SEZ6L: variants seen among roughly 807,000 people sequenced by gnomAD.
SEZ6L encodes the protein seizure 6-like protein.
Under a neutral mutation model 106.2 loss-of-function variants are expected in SEZ6L, and 37 were observed. The ratio of observed to expected loss-of-function variants is 0.35; its 90% CI spans 0.27 to 0.46. The LOEUF (loss-of-function observed/expected upper bound fraction) is 0.46. Among genes scored for constraint, SEZ6L ranks in the 20% least tolerant of loss-of-function variants. The probability of loss-of-function intolerance (pLI) is 1.00; values close to 1 mark genes in which losing one functional copy is unlikely to be tolerated. For synonymous variants in SEZ6L, 541 were observed against 570.4 expected, an observed-to-expected ratio of 0.95 and a Z score of 0.73; for missense variants, 1,172 against 1,332.8, an observed-to-expected ratio of 0.88 and a Z score of 1.88.
intron 1 of SEZ6L, among the ~76,000 whole-genome samples, chr22:26,269,930 G>C (rs1163439799): frequency 6.6e-6 from 1 of 152,196 alleles, no homozygotes; most frequent in Admixed American, 6.5e-5. Context: ...AGAAAAAAGA[G>C]GGAAGAGAAG....
At chr22:26,256,488 G>A (rs558204185) in intron 1 of SEZ6L, among the ~76,000 whole-genome samples, 4 of 152,316 alleles carry the variant, frequency 2.6e-5, no homozygotes, top group East Asian at 1.9e-4. Flanking sequence ...AGAAGTTCTC[G>A]GCCTTGTCTG....
chr22:26,270,143 C>T (rs963206323), intron 1 of SEZ6L, among the ~76,000 whole-genome samples: 2 of 151,956 alleles, frequency 1.3e-5, no homozygotes, highest in Non-Finnish European at 2.9e-5. Flanking sequence ...TAAAATGGAC[C>T]CCCCAAAAAT....
chr22:26,241,334 C>T (rs1602126790), intron 1 of SEZ6L: 1 of 152,216 alleles, frequency 6.6e-6, no homozygotes, highest in Non-Finnish European at 1.5e-5. Flanking sequence ...CAAGACCTAC[C>T]CTCAGCTCTG....
chr22:26,363,968 T>C (rs899171421), intron 12 of SEZ6L, among the ~76,000 whole-genome samples: 3 of 152,168 alleles, frequency 2.0e-5, no homozygotes, highest in Non-Finnish European at 4.4e-5. Flanking sequence ...GTGAACTTCA[T>C]AGAGACAGAA....
In SEZ6L at chr22:26,197,153, GT is replaced by G. The variant is rs57349957; in HGVS notation, c.94+27400del. Among the ~76,000 whole-genome samples the G allele has an allele frequency of 6.4e-3, 952 of 148,778 alleles. 16 individuals carry two copies. Among genetic ancestry groups the G allele is most frequent in the East Asian group, 0.059 (297 of 5,014 alleles). On this transcript the variant is annotated intron_variant, in intron 1 of 16. Coordinates refer to ENST00000248933, the MANE Select transcript of SEZ6L (RefSeq NM_021115.5). ...CCACTCACCACAATCAGAATTATTT[GT>G]TTTTTTTTTCTTGTTATTTATTTCT... is the stretch of plus-strand genomic sequence containing the variant.
Position 26,311,990 on chromosome 22 carries a change from C to T in SEZ6L, c.1876+28C>T, listed in dbSNP as rs367906301. On this transcript the variant is annotated intron_variant, in intron 8 of 16. Transcript: ENST00000248933. ...GAGCGGATCCACAACGCTCTTCCCA[C>T]GGCACCCCAGGGATCTCCACCCTTT... 4.3e-5 allele frequency: 69 copies of T among 1,599,122 alleles called. 1 individual carries two copies. Among genetic ancestry groups the T allele is most frequent in the South Asian group, 3.8e-4 (34 of 89,988 alleles).
At chr22:26,337,129 G>C (rs1166063679) in intron 9 of SEZ6L, among the ~76,000 whole-genome samples, 1 of 152,132 alleles carries the variant, frequency 6.6e-6, no homozygotes, top group Non-Finnish European at 1.5e-5. Flanking sequence ...GGAATATTAA[G>C]GCTGATTCAC....
At chr22:26,171,486 C>T (rs1938599534) in intron 1 of SEZ6L, among the ~76,000 whole-genome samples, 1 of 152,024 alleles carries the variant, frequency 6.6e-6, no homozygotes, top group Non-Finnish European at 1.5e-5. Flanking sequence ...GAACTCCACT[C>T]TCCAATACAC....
chr22:26,226,603 G>A (rs944369404), intron 1 of SEZ6L, among the ~76,000 whole-genome samples: 1 of 152,130 alleles, frequency 6.6e-6, no homozygotes, highest in African/African-American at 2.4e-5. Context: ...TTATTCAGTG[G>A]AAATCAGACT....
intron 12 of SEZ6L, among the ~76,000 whole-genome samples, chr22:26,354,066 T>C (rs139799924): frequency 0.021 from 3,258 of 152,252 alleles, 38 homozygotes; most frequent in Middle Eastern, 0.058. Context: ...CCATGGTATC[T>C]GTAACTGTGA....
At chr22:26,324,103 A>ACACACACACAAAC (rs1569463232) in intron 9 of SEZ6L, among the ~76,000 whole-genome samples, 1 of 83,304 alleles carries the variant, frequency 1.2e-5, no homozygotes, top group Non-Finnish European at 2.4e-5. Context: ...CACACACACA[A>ACACACACACAAAC]ACACACACAC....
rs569320508 is a variant in SEZ6L at position 26,304,375 on chromosome 22, A to G, written c.1349-1604A>G. 6.1e-3 allele frequency among the ~76,000 whole-genome samples: 459 copies of G among 75,426 alleles called. 10 individuals are homozygous for G. Among genetic ancestry groups the G allele is most frequent in the African/African-American group, 0.025 (430 of 17,314 alleles). 49.5% of individuals were successfully genotyped at this position (75,426 alleles called of 152,430 possible). The stretch of plus-strand genomic sequence containing the variant: ...TCAAAAAAAAAAAAAGAAAGAAGAA[A>G]GAAAGAAAGAAAGAAAGAAAGAAAG... On this transcript the variant is annotated intron_variant, in intron 5 of 16. Transcript: ENST00000248933.
chr22:26,274,170 A>C (rs1018630416), intron 1 of SEZ6L, among the ~76,000 whole-genome samples: 23 of 152,236 alleles, frequency 1.5e-4, no homozygotes, highest in Admixed American at 1.3e-4. Context: ...AAGTGATCTA[A>C]GCTTCAGTTT....
intron 12 of SEZ6L, among the ~76,000 whole-genome samples, chr22:26,357,886 A>C (rs948906730): frequency 7.2e-5 from 11 of 152,224 alleles, no homozygotes; most frequent in African/African-American, 2.7e-4. Context: ...AACTAAAAAG[A>C]ATCTGACAAA....
chr22:26,348,068 A>G (rs2083070078), intron 11 of SEZ6L, among the ~76,000 whole-genome samples, 155 bp downstream of exon 11: 2 of 152,174 alleles, frequency 1.3e-5, no homozygotes, highest in Admixed American at 1.3e-4. Flanking sequence ...GTCATTTTAT[A>G]GCTGTCAGTG....
Position 26,293,064 on chromosome 22 carries a change from T to C in SEZ6L, c.753T>C (p.Thr251=), listed in dbSNP as rs1318008229. The C allele has an allele frequency of 6.2e-7, 1 of 1,613,506 alleles. No individual in the cohort carries two copies. The highest frequency in any genetic ancestry group is 8.5e-7 in the Non-Finnish European group (1 of 1,179,952). Residue 251 remains threonine, a synonymous_variant, in exon 2 of 17, where the codon ACT becomes ACC. Coordinates refer to ENST00000248933, the MANE Select transcript of SEZ6L (RefSeq NM_021115.5). ...ALMDKGENEL[T]GSASEESQET... ...TGGACAAAGGTGAGAATGAGCTGAC[T>C]GGGTCAGCCTCAGAGGAGAGCCAGG...
chr22:26,345,623 T>C (rs2082984323), intron 10 of SEZ6L, among the ~76,000 whole-genome samples: 1 of 152,184 alleles, frequency 6.6e-6, no homozygotes, highest in African/African-American at 2.4e-5. Flanking sequence ...TTTACCCTTC[T>C]TCTTGCAGAC....
At chr22:26,194,045 C>A (rs776609865) in intron 1 of SEZ6L, among the ~76,000 whole-genome samples, 1 of 152,156 alleles carries the variant, frequency 6.6e-6, no homozygotes, top group South Asian at 2.1e-4. Flanking sequence ...TCAAGGGAGG[C>A]TTCCTGGAGG....
chr22:26,330,302 A>G (rs1277706128), intron 9 of SEZ6L, among the ~76,000 whole-genome samples: 1 of 152,124 alleles, frequency 6.6e-6, no homozygotes, highest in Non-Finnish European at 1.5e-5. Context: ...ACCTCTGGGC[A>G]CCTCAGTTGG....
Sources: gnomAD v4.1 joint callset for allele counts (sites outside exome capture counted in the v4.1 genomes callset) on GRCh38, gnomAD v4.1.1 for gene constraint, MANE v1.5 for transcripts, NCBI Gene and HGNC (gene_info 2026-07-23, HGNC 2026-07-21) for gene names.